The following ANK2 variants were observed in gnomAD, a reference collection of about 807,000 sequenced individuals.
The protein encoded by ANK2 is ankyrin 2.
Under a neutral mutation model 360.5 loss-of-function variants are expected in ANK2, and 83 were observed. The observed-to-expected ratio is 0.23, with a 90% CI of 0.19 to 0.28. The LOEUF (loss-of-function observed/expected upper bound fraction) is 0.28, where lower values mean the gene tolerates loss of function less well. ANK2 is among the 10% of genes least tolerant of loss of function. ANK2 has a pLI of 1.00. For missense variants in ANK2, 4,201 were observed against 4,795.7 expected, an observed-to-expected ratio of 0.88 and a Z score of 3.66; for synonymous variants, 1,740 against 1,759.5, an observed-to-expected ratio of 0.99 and a Z score of 0.28.
chr4:113,202,193 G>T (rs761674901), intron 4 of ANK2, among the ~76,000 whole-genome samples: 3 of 152,058 alleles, frequency 2.0e-5, no homozygotes, highest in Non-Finnish European at 4.4e-5. Context: ...TAAAATACAT[G>T]AGGGTTGATT....
chr4:113,008,100 A>G (rs2053520212), intron 2 of ANK2, among the ~76,000 whole-genome samples: 1 of 127,044 alleles, frequency 7.9e-6, no homozygotes, highest in African/African-American at 2.9e-5. Flanking sequence ...TTAACTTATT[A>G]AGCTTTTCCT....
intron 39 of ANK2, among the ~76,000 whole-genome samples, chr4:113,362,579 G>A (rs2096284406): frequency 6.6e-6 from 1 of 152,108 alleles, no homozygotes; most frequent in Non-Finnish European, 1.5e-5. Flanking sequence ...TGAGTAGCTA[G>A]GACCTCAGGC....
chr4:113,080,365 T>C (rs1467834489), intron 1 of ANK2, among the ~76,000 whole-genome samples: 1 of 152,190 alleles, frequency 6.6e-6, no homozygotes, highest in Non-Finnish European at 1.5e-5. Context: ...AAGGAAGAGA[T>C]TTGTGTGTGA....
chr4:113,334,088 A>G (rs1315798527), intron 29 of ANK2, among the ~76,000 whole-genome samples: 2 of 152,228 alleles, frequency 1.3e-5, no homozygotes, highest in Non-Finnish European at 2.9e-5. Flanking sequence ...ATAGCTGTTT[A>G]TCAAGTTCTT....
chr4:113,237,693 C>T, intron 7 of ANK2, 71 bp downstream of exon 7: 2 of 1,320,268 alleles, frequency 1.5e-6, no homozygotes, highest in South Asian at 2.4e-5. Flanking sequence ...GGAATAAATG[C>T]TCACTAATTC....
chr4:113,288,077 C>G (rs185809153), intron 19 of ANK2, among the ~76,000 whole-genome samples: 1 of 152,276 alleles, frequency 6.6e-6, no homozygotes, highest in Non-Finnish European at 1.5e-5. Context: ...CTTACCCATT[C>G]TTTAAGCCTG....
At chr4:112,713,501 G>A in the ANK2 span, among the ~76,000 whole-genome samples, 99 of 152,216 alleles carry the variant, frequency 6.5e-4, no homozygotes, top group African/African-American at 2.2e-3. Context: ...CCCTGGAGGC[G>A]GAGGTTGCGG....
intron 2 of ANK2, among the ~76,000 whole-genome samples, chr4:112,983,960 A>G (rs1476948824): frequency 6.6e-6 from 1 of 152,226 alleles, no homozygotes; most frequent in Non-Finnish European, 1.5e-5. Context: ...ACAAAGTCTG[A>G]TTAACAGAAT....
chr4:113,096,335 G>A (rs2091011955), intron 1 of ANK2, among the ~76,000 whole-genome samples: 1 of 152,176 alleles, frequency 6.6e-6, no homozygotes. Flanking sequence ...ACTTAAATAA[G>A]ATAGTAGTTC....
rs77221538 is a variant in ANK2, at chr4:112,902,636, C to T, written c.-39-1819C>T. Among the ~76,000 whole-genome samples the T allele has an allele frequency of 3.1e-4, 47 of 152,278 alleles. 1 individual carries two copies. In the East Asian group the frequency reaches 7.7e-3, roughly 25 times the overall value. Reference sequence around the variant, plus strand: ...TCCTTTCTGAATTTGTACTAAGACACAGAGAGGATTGTTCACCACATGCGA... The same window carrying T: ...TCCTTTCTGAATTTGTACTAAGACATAGAGAGGATTGTTCACCACATGCGA... On this transcript the variant is annotated intron_variant, in intron 1 of 30. Transcript: ENST00000503271.
intron 2 of ANK2, among the ~76,000 whole-genome samples, chr4:113,042,102 C>T (rs1053262966): frequency 1.3e-5 from 2 of 152,070 alleles, no homozygotes; most frequent in African/African-American, 4.8e-5. Flanking sequence ...GAAGATTCAC[C>T]CTCACCGATG....
intron 4 of ANK2, chr4:113,213,995 T>A (rs2099056861): frequency 1.8e-6 from 1 of 571,178 alleles, no homozygotes; most frequent in Admixed American, 3.4e-5. Context: ...AATTTCCATT[T>A]TATTTTTCTC....
At chr4:112,989,307 TAACTTC>T (rs1362889215) in intron 2 of ANK2, among the ~76,000 whole-genome samples, 1 of 152,206 alleles carries the variant, frequency 6.6e-6, no homozygotes, top group Non-Finnish European at 1.5e-5. Flanking sequence ...ACTCAACTGA[TAACTTC>T]AACAGGACAA....
intron 1 of ANK2, among the ~76,000 whole-genome samples, chr4:112,836,658 C>T (rs967518607): frequency 6.6e-6 from 1 of 152,196 alleles, no homozygotes; most frequent in African/African-American, 2.4e-5. Flanking sequence ...GAGTAAAGGT[C>T]ACTCTTGCCA....
intron 26 of ANK2, among the ~76,000 whole-genome samples, chr4:113,327,792 T>C (rs1345157736): frequency 6.6e-6 from 1 of 152,176 alleles, no homozygotes; most frequent in Non-Finnish European, 1.5e-5. Context: ...TGTCTTTACT[T>C]TCTGTATCCT....
intron 13 of ANK2, among the ~76,000 whole-genome samples, chr4:113,261,031 C>T (rs2052567075): frequency 6.6e-6 from 1 of 152,178 alleles, no homozygotes. Context: ...CAATGTAGCC[C>T]TGTCAGCAGA....
chr4:112,908,403 A>G (rs755170408), intron 2 of ANK2, among the ~76,000 whole-genome samples: 6 of 152,226 alleles, frequency 3.9e-5, no homozygotes, highest in Non-Finnish European at 8.8e-5. Context: ...TTTAAGACCA[A>G]AATGGGCTGG....
intron 2 of ANK2, among the ~76,000 whole-genome samples, chr4:112,960,582 A>G (rs914076434): frequency 6.6e-5 from 10 of 152,232 alleles, no homozygotes; most frequent in African/African-American, 2.4e-4. Context: ...CTTCAGGCAC[A>G]TCACAATGTC....
intron 2 of ANK2, among the ~76,000 whole-genome samples, chr4:113,001,517 C>T (rs111415048): frequency 0.01 from 1,558 of 151,222 alleles, 30 homozygotes; most frequent in African/African-American, 0.035. Flanking sequence ...TTCCCTTCCC[C>T]GACAAAAAAA....
Sources: allele counts gnomAD v4.1 joint callset (sites outside exome capture counted in the v4.1 genomes callset), GRCh38; gene constraint gnomAD v4.1.1; transcripts MANE v1.5; gene names NCBI Gene and HGNC (gene_info 2026-07-23, HGNC 2026-07-21).